The following SSH2 variants were observed in gnomAD, a reference collection of about 807,000 sequenced individuals.
SSH2 encodes the protein protein phosphatase Slingshot homolog 2.
In SSH2, 37 loss-of-function variants were observed where a neutral mutation model predicts 135.2. That is an observed-to-expected ratio of 0.27 (90% CI 0.21 to 0.36). The LOEUF (loss-of-function observed/expected upper bound fraction) is 0.36, where lower values mean the gene tolerates loss of function less well. SSH2 is among the 10% of genes least tolerant of loss of function. The pLI, the probability that SSH2 is intolerant of heterozygous loss-of-function variation, is 1.00. For missense variants in SSH2, 1,408 were observed against 1,765.3 expected (o/e 0.80, Z 3.63); for synonymous variants, 628 against 646.2 (o/e 0.97, Z 0.43).
At chr17:29,800,607 G>A (rs947973942) in intron 2 of SSH2, among the ~76,000 whole-genome samples, 6 of 151,744 alleles carry the variant, frequency 4.0e-5, no homozygotes, top group African/African-American at 1.2e-4. Context: ...GATACATAAC[G>A]AGAATATCTA....
intron 14 of SSH2, among the ~76,000 whole-genome samples, chr17:29,644,392 T>C (rs1392058171): frequency 1.3e-5 from 2 of 152,248 alleles, no homozygotes; most frequent in South Asian, 2.1e-4. Flanking sequence ...CAAGAGTCTC[T>C]TTCCAGGTTC....
At chr17:29,891,930 T>C (rs992594854) in intron 1 of SSH2, among the ~76,000 whole-genome samples, 3 of 152,194 alleles carry the variant, frequency 2.0e-5, no homozygotes, top group Non-Finnish European at 4.4e-5. Flanking sequence ...ATAAACAATA[T>C]ATAGCTGAAG....
intron 1 of SSH2, among the ~76,000 whole-genome samples, chr17:29,900,125 A>C (rs543098723): frequency 9.4e-4 from 143 of 152,328 alleles, no homozygotes; most frequent in African/African-American, 3.4e-3. Flanking sequence ...TTATACAAAA[A>C]TTAGTTCAAG....
intron 11 of SSH2, among the ~76,000 whole-genome samples, chr17:29,660,174 C>T (rs1461856646): frequency 6.6e-6 from 1 of 151,916 alleles, no homozygotes; most frequent in East Asian, 1.9e-4. Flanking sequence ...GAATTAGAGG[C>T]ATTAATGGAA....
chr17:29,844,714 C>T (rs1226568395), intron 2 of SSH2, among the ~76,000 whole-genome samples: 1 of 152,212 alleles, frequency 6.6e-6, no homozygotes, highest in Non-Finnish European at 1.5e-5. Context: ...TCTAACAAAC[C>T]TGTGCACAGT....
At chr17:29,761,326 C>G (rs779958069) in intron 3 of SSH2, 103 of 1,147,762 alleles carry the variant, frequency 9.0e-5, no homozygotes, top group Middle Eastern at 3.3e-4. Flanking sequence ...CTGCTCTGCT[C>G]CGGCACGAGG....
chr17:29,761,440 G>GCCGCCAGCAGT (rs2041301520), intron 3 of SSH2: 14 of 1,002,578 alleles, frequency 1.4e-5, no homozygotes, highest in Non-Finnish European at 1.7e-5. Flanking sequence ...ACTGACGGGC[G>GCCGCCAGCAGT]TCGCCAGCAG....
chr17:29,865,035 C>T (rs191419052), intron 1 of SSH2, among the ~76,000 whole-genome samples: 9 of 152,340 alleles, frequency 5.9e-5, no homozygotes, highest in Non-Finnish European at 4.4e-5. Context: ...ATGGTGGAAT[C>T]ATATCACTCC....
chr17:29,646,764 C>T (rs895180290), intron 14 of SSH2, among the ~76,000 whole-genome samples: 1 of 151,726 alleles, frequency 6.6e-6, no homozygotes, highest in Non-Finnish European at 1.5e-5. Context: ...TCCCAAGGTG[C>T]TGGGATTATA....
At chr17:29,807,358 T>C (rs904619770) in intron 2 of SSH2, among the ~76,000 whole-genome samples, 1 of 152,224 alleles carries the variant, frequency 6.6e-6, no homozygotes, top group African/African-American at 2.4e-5. Flanking sequence ...TTTTACTATT[T>C]ATATTTAAAT....
chr17:29,802,634 A>AG (rs926899973), intron 2 of SSH2, among the ~76,000 whole-genome samples: 7 of 151,312 alleles, frequency 4.6e-5, no homozygotes, highest in South Asian at 2.1e-4. Flanking sequence ...AAAAAAAAAA[A>AG]AAAAGAAAAG....
intron 2 of SSH2, among the ~76,000 whole-genome samples, chr17:29,846,426 A>G (rs1410759585): frequency 6.6e-6 from 1 of 152,202 alleles, no homozygotes; most frequent in East Asian, 1.9e-4. Context: ...CATGATGGCT[A>G]TCAGCTGAGA....
intron 1 of SSH2, among the ~76,000 whole-genome samples, chr17:29,913,178 T>G (rs1272372617): frequency 6.7e-6 from 1 of 148,540 alleles, no homozygotes. Flanking sequence ...ATTAGCCGGG[T>G]GTGGTGGCAC....
chr17:29,661,648 T>C (rs962586517), intron 11 of SSH2, among the ~76,000 whole-genome samples: 11 of 152,124 alleles, frequency 7.2e-5, no homozygotes, highest in Admixed American at 1.3e-4. Context: ...TGCCAAACAA[T>C]AGGGGCTGAG....
At chr17:29,809,508 C>T (rs1361591486) in intron 2 of SSH2, among the ~76,000 whole-genome samples, 6 of 151,998 alleles carry the variant, frequency 3.9e-5, no homozygotes, top group Non-Finnish European at 5.9e-5. Flanking sequence ...GTTCCCTCTG[C>T]CTAGAATACC....
intron 1 of SSH2, among the ~76,000 whole-genome samples, chr17:29,881,874 A>G (rs2066144184): frequency 6.6e-6 from 1 of 152,224 alleles, no homozygotes; most frequent in Non-Finnish European, 1.5e-5. Context: ...ATGAAATCAG[A>G]ACTTGAAAAT....
intron 1 of SSH2, among the ~76,000 whole-genome samples, chr17:29,851,086 C>T (rs1182107941): frequency 6.6e-6 from 1 of 152,100 alleles, no homozygotes; most frequent in African/African-American, 2.4e-5. Context: ...AGAATAAGAA[C>T]ATTTACTCTC....
At chr17:29,872,449 A>G (rs1283794712) in intron 1 of SSH2, among the ~76,000 whole-genome samples, 1 of 152,228 alleles carries the variant, frequency 6.6e-6, no homozygotes, top group Non-Finnish European at 1.5e-5. Context: ...GGGTACAGGA[A>G]CAATAACTAA....
intron 3 of SSH2, among the ~76,000 whole-genome samples, chr17:29,720,911 C>T (rs945109168): frequency 1.1e-4 from 17 of 152,168 alleles, no homozygotes; most frequent in Non-Finnish European, 1.8e-4. Flanking sequence ...TCTCTGTTTC[C>T]TAGTCTTTTC....
Sources: gnomAD v4.1 joint callset for allele counts (sites outside exome capture counted in the v4.1 genomes callset) on GRCh38, gnomAD v4.1.1 for gene constraint, MANE v1.5 for transcripts, NCBI Gene and HGNC (gene_info 2026-07-23, HGNC 2026-07-21) for gene names.